The following NRXN3 variants were observed in gnomAD, a reference collection of about 807,000 sequenced individuals.
NRXN3 encodes the protein neurexin 3, also known as neurexin III.
Under a neutral mutation model 137.6 loss-of-function variants are expected in NRXN3, and 32 were observed. The ratio of observed to expected loss-of-function variants is 0.23; its 90% CI spans 0.18 to 0.31. The LOEUF is 0.31. NRXN3 is among the 10% of genes least tolerant of loss of function. NRXN3 has a pLI of 1.00. For synonymous variants in NRXN3, 798 were observed against 784.5 expected (o/e 1.02, Z -0.29); for missense variants, 1,574 against 2,062.5 (o/e 0.76, Z 4.59).
chr14:78,762,196 T>C (rs946820549), intron 8 of NRXN3, among the ~76,000 whole-genome samples: 42 of 152,230 alleles, frequency 2.8e-4, no homozygotes, highest in Non-Finnish European at 5.9e-5. Flanking sequence ...CCTGTCTTCT[T>C]AGGAAATCAC....
intron 10 of NRXN3, among the ~76,000 whole-genome samples, chr14:78,933,588 C>T (rs78552843): frequency 0.06 from 9,099 of 152,082 alleles, 408 homozygotes; most frequent in Admixed American, 0.084. Context: ...TTATAGTGTA[C>T]AACATGATGC....
chr14:79,193,313 A>G (rs1215340956), intron 15 of NRXN3, among the ~76,000 whole-genome samples: 2 of 152,214 alleles, frequency 1.3e-5, no homozygotes, highest in African/African-American at 4.8e-5. Context: ...TTTAAATTGC[A>G]TAGGCAAGAG....
At chr14:78,404,831 G>C (rs945469759) in intron 4 of NRXN3, among the ~76,000 whole-genome samples, 21 of 152,158 alleles carry the variant, frequency 1.4e-4, no homozygotes, top group African/African-American at 3.9e-4. Context: ...TAATTATGAA[G>C]AAATGAGTTC....
chr14:78,779,359 G>C (rs962917261), intron 8 of NRXN3, among the ~76,000 whole-genome samples: 1 of 151,944 alleles, frequency 6.6e-6, no homozygotes. Context: ...GATTGGAGTA[G>C]GACATTTTTA....
At chr14:78,595,159 G>A (rs1411917253) in intron 4 of NRXN3, among the ~76,000 whole-genome samples, 1 of 152,172 alleles carries the variant, frequency 6.6e-6, no homozygotes, top group Non-Finnish European at 1.5e-5. Context: ...GGGTGGTCAG[G>A]GATGACCTCT....
At chr14:78,885,897 C>A (rs1334408194) in intron 10 of NRXN3, among the ~76,000 whole-genome samples, 1 of 151,958 alleles carries the variant, frequency 6.6e-6, no homozygotes, top group Non-Finnish European at 1.5e-5. Flanking sequence ...AAAGCCCAAG[C>A]AATTAGGAGC....
chr14:78,456,799 C>CTCTTTT lies in NRXN3; in HGVS notation c.757+158944_757+158945insTTCTTT, dbSNP rs1555539842. On this transcript the variant is annotated intron_variant, in intron 4 of 20. Transcript: ENST00000335750. Reference sequence around the variant, plus strand: ...TCTTTCCCTTTCTCTCTCTCTTTCTCTCTTTCTTTCTTTCTTTCTTTCTTT... The same window carrying CTCTTTT: ...TCTTTCCCTTTCTCTCTCTCTTTCTCTCTTTTTCTTTCTTTCTTTCTTTCTTTCTTT... Among the ~76,000 whole-genome samples the CTCTTTT allele has an allele frequency of 4.2e-4, 41 of 97,690 alleles. 1 individual carries two copies. The highest frequency in any genetic ancestry group is 1.3e-3 in the African/African-American group (38 of 28,564). The allele number at this position is 97,690 out of a possible 152,430, so 64.1% of individuals were successfully genotyped here. A position where few individuals can be genotyped will look rare whatever the true frequency, so the allele number is the denominator to read the frequency against.
At chr14:78,463,288 C>A (rs184083013) in intron 4 of NRXN3, among the ~76,000 whole-genome samples, 111 of 152,032 alleles carry the variant, frequency 7.3e-4, no homozygotes, top group Non-Finnish European at 1.3e-3. Context: ...GATCCAGTCA[C>A]CAGTTGATGG....
chr14:79,804,725 G>T (rs755605460), intron 19 of NRXN3, among the ~76,000 whole-genome samples: 4 of 152,164 alleles, frequency 2.6e-5, no homozygotes, highest in Non-Finnish European at 5.9e-5. Flanking sequence ...CACAATGTAT[G>T]TCTGTGTTGC....
At chr14:78,746,861 G>C (rs1242646417) in intron 8 of NRXN3, among the ~76,000 whole-genome samples, 2 of 152,170 alleles carry the variant, frequency 1.3e-5, no homozygotes, top group South Asian at 4.1e-4. Context: ...GTAAAGTGTT[G>C]ACACAATTTT....
chr14:79,066,680 C>G (rs1005705694), intron 15 of NRXN3, among the ~76,000 whole-genome samples: 28 of 151,738 alleles, frequency 1.8e-4, no homozygotes, highest in African/African-American at 6.5e-4. Context: ...AGTTCCTTCA[C>G]TTCCCTTGTT....
intron 19 of NRXN3, among the ~76,000 whole-genome samples, chr14:79,733,362 G>C (rs1231938138): frequency 6.6e-6 from 1 of 152,132 alleles, no homozygotes; most frequent in African/African-American, 2.4e-5. Context: ...TTTTCTTAAG[G>C]AGGAGTAATT....
intron 19 of NRXN3, among the ~76,000 whole-genome samples, chr14:79,721,544 A>T (rs1401342396): frequency 6.6e-6 from 1 of 152,192 alleles, no homozygotes; most frequent in African/African-American, 2.4e-5. Flanking sequence ...TAGGCCAGAC[A>T]GAATCTACGG....
chr14:78,600,188 A>T (rs1049435387), intron 4 of NRXN3, among the ~76,000 whole-genome samples: 1 of 152,164 alleles, frequency 6.6e-6, no homozygotes, highest in African/African-American at 2.4e-5. Context: ...AGTACCTGAC[A>T]CACCTACTCT....
Position 79,087,572 on chromosome 14 carries a change from T to C in NRXN3, c.3262+99431T>C, listed in dbSNP as rs544423842. On this transcript the variant is annotated intron_variant, in intron 15 of 20. Transcript: ENST00000335750. ...AGGGAAAACTTCTTGGTAGTGGTGA[T>C]ACCTTATTAGAGTCTTGAAGAGGGC... 3.3e-5 allele frequency among the ~76,000 whole-genome samples: 5 copies of C among 152,304 alleles called. No homozygotes were observed. The South Asian group carries it at 6.2e-4, about 19-fold the overall frequency.
chr14:78,833,395 A>G (rs2098987726), intron 10 of NRXN3, among the ~76,000 whole-genome samples: 2 of 152,080 alleles, frequency 1.3e-5, no homozygotes, highest in African/African-American at 4.8e-5. Context: ...TCCTGTTGTC[A>G]TCTCTAGGGG....
chr14:79,025,322 T>A (rs781042671), intron 15 of NRXN3, among the ~76,000 whole-genome samples: 1 of 152,174 alleles, frequency 6.6e-6, no homozygotes, highest in Non-Finnish European at 1.5e-5. Context: ...GCTGCCATCT[T>A]ACTGTTGGAA....
intron 8 of NRXN3, among the ~76,000 whole-genome samples, chr14:78,720,362 G>T (rs2098454131): frequency 6.6e-6 from 1 of 152,146 alleles, no homozygotes. Flanking sequence ...TAATCAGATA[G>T]GTTGAAATTC....
chr14:79,218,174 T>G (rs2068874059), intron 15 of NRXN3, among the ~76,000 whole-genome samples: 1 of 152,230 alleles, frequency 6.6e-6, no homozygotes, highest in Non-Finnish European at 1.5e-5. Flanking sequence ...TGGAAAATTC[T>G]ATAGTTTGCA....
Sources: gnomAD v4.1 joint callset for allele counts (sites outside exome capture counted in the v4.1 genomes callset) on GRCh38, gnomAD v4.1.1 for gene constraint, MANE v1.5 for transcripts, NCBI Gene and HGNC (gene_info 2026-07-23, HGNC 2026-07-21) for gene names.